Variants in CCNH observed in about 807,000 individuals in gnomAD.
CCNH encodes the protein cyclin-H.
Under a neutral mutation model 41.9 loss-of-function variants are expected in CCNH, and 31 were observed. That is an observed-to-expected ratio of 0.74 (90% CI 0.56 to 1.00). CCNH has a LOEUF of 1.00. CCNH is among the 50% of genes least tolerant of loss of function. The pLI is 0.00. For missense variants in CCNH, 362 were observed against 388.4 expected (o/e 0.93, Z 0.57); for synonymous variants, 138 against 136.1 (o/e 1.01, Z -0.10).
At chr5:87,365,194 C>T (rs1029231417) in intron 9 of CCNH, among the ~76,000 whole-genome samples, 1 of 152,010 alleles carries the variant, frequency 6.6e-6, no homozygotes, top group Non-Finnish European at 1.5e-5. Flanking sequence ...TAGGTGTCCC[C>T]TGAGATACTA....
At chr5:87,390,432 C>T (rs1003715220), downstream of CCNH, among the ~76,000 whole-genome samples, 6 of 151,684 alleles carry the variant, frequency 4.0e-5, no homozygotes, top group Non-Finnish European at 8.8e-5. Flanking sequence ...CCCGCCCCTC[C>T]CCCCGCAGCT....
intron 9 of CCNH, chr5:87,383,867 T>C: frequency 8.2e-7 from 1 of 1,213,456 alleles, no homozygotes; most frequent in African/African-American, 1.5e-5. Flanking sequence ...ATCTTTTTTT[T>C]TTTTTTGATC....
chr5:87,323,991 C>T (rs753989420), intron 9 of CCNH, among the ~76,000 whole-genome samples: 15 of 152,102 alleles, frequency 9.9e-5, no homozygotes, highest in Non-Finnish European at 1.6e-4. Context: ...GGTGTTCTGT[C>T]GTATTTACTG....
At chr5:87,320,495 A>G (rs1756706540) in intron 9 of CCNH, among the ~76,000 whole-genome samples, 2 of 152,236 alleles carry the variant, frequency 1.3e-5, no homozygotes, top group Admixed American at 6.5e-5. Flanking sequence ...ACTTACAATC[A>G]TGGCAGAAGG....
the CCNH span, among the ~76,000 whole-genome samples, chr5:87,312,884 G>C: frequency 1.3e-5 from 2 of 152,194 alleles, no homozygotes; most frequent in African/African-American, 2.4e-5. Context: ...GTTAGTATGA[G>C]TGTGAAAAAA....
Position 87,349,122 on chromosome 5 carries a change from A to G in CCNH, c.*91-30225T>C, listed in dbSNP as rs1489747260. ...TCCTGGTGAAAATTTACATATGTTT[A>G]TGACTTTGAATGCACTTTGTAATAA... On this transcript the variant is annotated intron_variant and NMD_transcript_variant, in intron 9 of 9. Transcript: ENST00000645953. 18 of 1,426,236 alleles carry G rather than the reference A, an allele frequency of 1.3e-5. No homozygotes were observed. In the East Asian group the frequency reaches 3.5e-4, roughly 27 times the overall value. The allele number at this position is 1,426,236 out of a possible 1,614,324, so 88.3% of individuals were successfully genotyped here.
chr5:87,405,872 A>T (rs2112571724), intron 4 of CCNH, among the ~76,000 whole-genome samples: 1 of 152,154 alleles, frequency 6.6e-6, no homozygotes, highest in South Asian at 2.1e-4. Context: ...TTCGCTTTGC[A>T]ACTATACCAA....
downstream of CCNH, chr5:87,390,993 C>T: frequency 9.2e-7 from 1 of 1,087,074 alleles, no homozygotes; most frequent in East Asian, 2.5e-5. Flanking sequence ...TTTCCACATT[C>T]CAGTGATGTG....
chr5:87,376,570 T>A lies in CCNH; in HGVS notation n.611A>T. Reference sequence around the variant, plus strand: ...GAGTACAGTGAATTTAAAGAGGTATTAAATTATTTATCAGTCTTGTTTTTG... The same window carrying A: ...GAGTACAGTGAATTTAAAGAGGTATAAAATTATTTATCAGTCTTGTTTTTG... On this transcript the variant is annotated non_coding_transcript_exon_variant, in exon 1 of 1. Transcript: ENST00000607486. 5 of 1,611,158 alleles carry A rather than the reference T, an allele frequency of 3.1e-6. No individual in the cohort carries two copies. Among genetic ancestry groups the A allele is most frequent in the African/African-American group, 1.3e-5 (1 of 74,964 alleles).
chr5:87,366,810 T>C (rs950940563), intron 9 of CCNH, among the ~76,000 whole-genome samples: 1 of 152,208 alleles, frequency 6.6e-6, no homozygotes, highest in Non-Finnish European at 1.5e-5. Flanking sequence ...GGTGGGCTGA[T>C]CGCTTAAGCT....
upstream of CCNH, among the ~76,000 whole-genome samples, chr5:87,380,244 G>A (rs765483250): frequency 6.6e-6 from 1 of 152,132 alleles, no homozygotes; most frequent in East Asian, 1.9e-4. Context: ...TCTAAATCTT[G>A]CTCCCCAGAA....
At chr5:87,321,243 T>A (rs983421711) in intron 9 of CCNH, among the ~76,000 whole-genome samples, 1 of 152,230 alleles carries the variant, frequency 6.6e-6, no homozygotes, top group African/African-American at 2.4e-5. Context: ...AAATTGTTTT[T>A]CCTCTGCTCT....
upstream of CCNH, among the ~76,000 whole-genome samples, chr5:87,379,482 CA>C (rs1426907104): frequency 6.6e-6 from 1 of 152,080 alleles, no homozygotes; most frequent in African/African-American, 2.4e-5. Flanking sequence ...TTTTTCCCCT[CA>C]AATAAATAGA....
the CCNH span, among the ~76,000 whole-genome samples, chr5:87,312,352 G>A: frequency 6.6e-6 from 1 of 152,132 alleles, no homozygotes; most frequent in East Asian, 1.9e-4. Flanking sequence ...GTAAATTGGT[G>A]CTGCTCTTCT....
intron 9 of CCNH, chr5:87,349,189 A>G (rs745488476): frequency 1.4e-5 from 22 of 1,609,960 alleles, no homozygotes; most frequent in Non-Finnish European, 1.6e-5. Context: ...TAATTAGGGA[A>G]AAACTAACAG....
chr5:87,346,969 G>A (rs1377995308), intron 9 of CCNH, among the ~76,000 whole-genome samples: 1 of 151,946 alleles, frequency 6.6e-6, no homozygotes, highest in East Asian at 1.9e-4. Flanking sequence ...GTAACACTAG[G>A]TGACAGTTTT....
At chr5:87,327,044 G>A (rs1228985429) in intron 9 of CCNH, among the ~76,000 whole-genome samples, 3 of 152,146 alleles carry the variant, frequency 2.0e-5, no homozygotes, top group Non-Finnish European at 4.4e-5. Context: ...TATCCTTTGA[G>A]TATCCTCTAC....
intron 9 of CCNH, chr5:87,362,676 G>T: frequency 1.2e-6 from 2 of 1,604,628 alleles, no homozygotes; most frequent in Non-Finnish European, 1.7e-6. Context: ...AAAAGGGTAA[G>T]TTCAGACTTT....
intron 2 of CCNH, 68 bp downstream of exon 2, chr5:87,411,156 A>G: frequency 3.4e-6 from 5 of 1,475,080 alleles, no homozygotes. Flanking sequence ...GTGGACAGGG[A>G]ATTTAGAAGA....
Sources: allele counts gnomAD v4.1 joint callset (sites outside exome capture counted in the v4.1 genomes callset), GRCh38; gene constraint gnomAD v4.1.1; transcripts MANE v1.5; gene names NCBI Gene and HGNC (gene_info 2026-07-23, HGNC 2026-07-21).